GALNT10: variants seen among roughly 807,000 people sequenced by gnomAD.
GALNT10 encodes polypeptide N-acetylgalactosaminyltransferase 10, also known as GalNAc transferase 10.
Under a neutral mutation model 75.0 loss-of-function variants are expected in GALNT10, and 41 were observed. The ratio of observed to expected loss-of-function variants is 0.55; its 90% CI spans 0.43 to 0.71. GALNT10 has a LOEUF of 0.71. GALNT10 is among the 30% of genes least tolerant of loss of function. The pLI is 0.00. For missense variants in GALNT10, 727 were observed against 818.5 expected, an observed-to-expected ratio of 0.89 and a Z score of 1.36; for synonymous variants, 302 against 313.0, an observed-to-expected ratio of 0.96 and a Z score of 0.37.
At position 154,352,402 on chromosome 5, in the gene GALNT10, C is replaced by T. The variant is rs946795643; in HGVS notation, c.568+22664C>T. On this transcript the variant is annotated intron_variant, in intron 4 of 11. Transcript: ENST00000297107. This position sits in a 1 kb window ranked among gnomAD's most constrained non-coding sequence, Gnocchi z 4.4. ...ATCCTGGCCCTAGATAAAGTGCTTACTATGTCCCAGGTGTAGTTCTAAGTG... is the reference window on the plus strand; with the variant it reads ...ATCCTGGCCCTAGATAAAGTGCTTATTATGTCCCAGGTGTAGTTCTAAGTG... Among the ~76,000 whole-genome samples the T allele has an allele frequency of 1.3e-5, 2 of 152,232 alleles. No individual in the cohort carries two copies. Among genetic ancestry groups the T allele is most frequent in the Admixed American group, 1.3e-4 (2 of 15,294 alleles).
chr5:154,261,757 T>C (rs11167666), intron 1 of GALNT10, among the ~76,000 whole-genome samples: 54,025 of 152,044 alleles, frequency 0.36, 11,793 homozygotes, highest in East Asian at 0.76. Context: ...TTGTTACTTA[T>C]TGTCTTCCCT....
At chr5:154,235,826 G>A (rs1429711829) in intron 1 of GALNT10, among the ~76,000 whole-genome samples, 7 of 152,130 alleles carry the variant, frequency 4.6e-5, no homozygotes, top group African/African-American at 7.2e-5. Flanking sequence ...TAATCTCACC[G>A]GTTGTCTTAA....
In GALNT10 at chr5:154,417,206, G is replaced by A; in HGVS notation, c.*234G>A. The stretch of plus-strand genomic sequence containing the variant: ...AGAGGCCCCACAGGGAGCAGAGACT[G>A]CTTTAATCCCTGCTGACATCACGGA... On this transcript the variant is annotated 3_prime_UTR_variant, in exon 12 of 12. Coordinates refer to ENST00000297107, the MANE Select transcript of GALNT10 (RefSeq NM_198321.4). 1.9e-6 allele frequency: 1 copy of A among 526,262 alleles called. No individual in the cohort carries two copies. Among genetic ancestry groups the A allele is most frequent in the Non-Finnish European group, 3.4e-6 (1 of 293,264 alleles). 32.6% of individuals were successfully genotyped at this position (526,262 alleles called of 1,614,324 possible).
At chr5:154,285,273 A>G (rs1038985224) in intron 1 of GALNT10, among the ~76,000 whole-genome samples, 14 of 152,184 alleles carry the variant, frequency 9.2e-5, no homozygotes, top group Non-Finnish European at 1.6e-4. Context: ...CGGGAGGCTC[A>G]CCACCACCCT....
intron 1 of GALNT10, among the ~76,000 whole-genome samples, chr5:154,237,787 C>T (rs556340252): frequency 1.3e-5 from 2 of 152,248 alleles, no homozygotes; most frequent in African/African-American, 4.8e-5. Context: ...AGGTAAAGTG[C>T]CATTTTCCTT....
intron 3 of GALNT10, among the ~76,000 whole-genome samples, chr5:154,299,774 C>G (rs1269100535): frequency 6.6e-6 from 1 of 152,036 alleles, no homozygotes; most frequent in Non-Finnish European, 1.5e-5. Flanking sequence ...AGGGGCCTCA[C>G]TGTGCTTTCC....
chr5:154,223,037 G>T (rs554024690), intron 1 of GALNT10, among the ~76,000 whole-genome samples: 1 of 152,116 alleles, frequency 6.6e-6, no homozygotes, highest in African/African-American at 2.4e-5. Context: ...GTACCAACAT[G>T]AATATTTATC....
At chr5:154,206,990 G>A (rs928158594) in intron 1 of GALNT10, among the ~76,000 whole-genome samples, 1 of 152,216 alleles carries the variant, frequency 6.6e-6, no homozygotes, top group African/African-American at 2.4e-5. Flanking sequence ...GCTATGCTAG[G>A]TTCTGAGGCC....
intron 7 of GALNT10, among the ~76,000 whole-genome samples, chr5:154,397,033 A>C (rs1756031515): frequency 6.6e-6 from 1 of 151,976 alleles, no homozygotes. Flanking sequence ...AGGCTGAGGC[A>C]GGAGAATCAC....
In GALNT10 at chr5:154,355,848, TAC is replaced by T. The variant is rs1359215429; in HGVS notation, c.569-20427_569-20426del. ...TGAGGACATTGACGCTCAGGAAGGA[TAC>T]ATGAGTAGGCTAAGGTCACATGGCA... On this transcript the variant is annotated intron_variant, in intron 4 of 11. Transcript: ENST00000297107. Among the ~76,000 whole-genome samples, 6 of 152,190 alleles carry T rather than the reference TAC, an allele frequency of 3.9e-5. No individual in the cohort carries two copies. The East Asian group carries it at 1.2e-3, about 29-fold the overall frequency.
chr5:154,216,791 G>A (rs959696547), intron 1 of GALNT10, among the ~76,000 whole-genome samples: 2 of 151,932 alleles, frequency 1.3e-5, no homozygotes, highest in Admixed American at 1.3e-4. Context: ...TAACAAGATC[G>A]TATTTGCACA....
intron 9 of GALNT10, among the ~76,000 whole-genome samples, chr5:154,410,066 T>C (rs1756365719): frequency 6.6e-6 from 1 of 152,254 alleles, no homozygotes; most frequent in Non-Finnish European, 1.5e-5. Context: ...TCAGAATGGG[T>C]GAAATGACAT....
rs1437259886 is a variant in GALNT10 at position 154,420,338 on chromosome 5, G to A, written c.*3366G>A. 4 of 152,164 alleles carry A rather than the reference G, an allele frequency of 2.6e-5. No homozygotes were observed. 9.4% of individuals were successfully genotyped at this position (152,164 alleles called of 1,614,324 possible). ...TTTTTTTCCTTAAGAAACAGGTGAT[G>A]TCTTGGAAAACAGCTCCTTATGTCT... On this transcript the variant is annotated 3_prime_UTR_variant, in exon 12 of 12. Coordinates refer to ENST00000297107, the MANE Select transcript of GALNT10 (RefSeq NM_198321.4).
intron 3 of GALNT10, among the ~76,000 whole-genome samples, chr5:154,325,683 A>G (rs11740570): frequency 0.56 from 84,998 of 151,394 alleles, 27,000 homozygotes; most frequent in Admixed American, 0.73. Flanking sequence ...TTCGAGGATT[A>G]AAACACTCAG....
intron 1 of GALNT10, among the ~76,000 whole-genome samples, chr5:154,224,456 C>T (rs774493747): frequency 3.9e-5 from 6 of 152,114 alleles, no homozygotes; most frequent in Non-Finnish European, 8.8e-5. Context: ...TGCTCTCAGA[C>T]GTAACAAGGG....
chr5:154,208,634 G>A (rs950551855), intron 1 of GALNT10, among the ~76,000 whole-genome samples: 1 of 152,136 alleles, frequency 6.6e-6, no homozygotes, highest in African/African-American at 2.4e-5. Flanking sequence ...AGGATTACAG[G>A]TCTGGAATCT....
At chr5:154,197,531 C>T (rs1443044581) in intron 1 of GALNT10, among the ~76,000 whole-genome samples, 2 of 152,094 alleles carry the variant, frequency 1.3e-5, no homozygotes, top group African/African-American at 2.4e-5. Flanking sequence ...GTTTGCTGCC[C>T]TCTGCTGAGT....
chr5:154,317,366 G>A lies in GALNT10; in HGVS notation c.402-12206G>A, dbSNP rs145203793. 1.6e-4 allele frequency among the ~76,000 whole-genome samples: 25 copies of A among 152,200 alleles called. 1 individual carries two copies. In the East Asian group the frequency reaches 4.6e-3, roughly 28 times the overall value. The stretch of plus-strand genomic sequence containing the variant: ...CTTGTATTTTGACTTTTGTTTTCTA[G>A]TGCTCCAGCATTAAGCCCTGATGGT... On this transcript the variant is annotated intron_variant, in intron 3 of 11. Transcript: ENST00000297107.
rs1346262165 is a variant in GALNT10, at chr5:154,376,473, C to T, written c.754+11C>T. 3 of 1,560,798 alleles carry T rather than the reference C, an allele frequency of 1.9e-6. No homozygotes were observed. The highest frequency in any genetic ancestry group is 2.6e-6 in the Non-Finnish European group (3 of 1,157,840). ...TTCCCCCCTTGCTTGGTAAGGGAGCCCCTCCCACTTGGAGGGAGGCAAACT... is the reference window on the plus strand; with the variant it reads ...TTCCCCCCTTGCTTGGTAAGGGAGCTCCTCCCACTTGGAGGGAGGCAAACT... On this transcript the variant is annotated intron_variant, in intron 5 of 11. Coordinates refer to ENST00000297107, the MANE Select transcript of GALNT10 (RefSeq NM_198321.4). This position sits in a 1 kb window ranked among gnomAD's most constrained non-coding sequence, Gnocchi z 4.1.
Sources: gnomAD v4.1 joint callset for allele counts (sites outside exome capture counted in the v4.1 genomes callset) on GRCh38, gnomAD v4.1.1 for gene constraint, Gnocchi (gnomAD v3.1) non-coding constraint, MANE v1.5 for transcripts, NCBI Gene and HGNC (gene_info 2026-07-23, HGNC 2026-07-21) for gene names.